Variants in ZNF678 observed in about 807,000 individuals in gnomAD.
The protein encoded by ZNF678 is zinc finger protein 678, also known as hypothetical protein MGC42493.
ZNF678 carries 5 observed loss-of-function variants against 3.0 expected under a neutral mutation model. The ratio of observed to expected loss-of-function variants is 1.69; its 90% CI spans 0.88 to 3.56. ZNF678 has a LOEUF of 3.56. ZNF678 is among the 30% of genes most tolerant of loss of function. ZNF678 has a pLI of 0.00. For synonymous variants in ZNF678, 218 were observed against 199.6 expected (o/e 1.09, Z -0.78); for missense variants, 593 against 605.0 (o/e 0.98, Z 0.21).
Position 227,630,465 on chromosome 1 carries a change from A to G in ZNF678, c.-163-16079A>G, listed in dbSNP as rs551845594. On this transcript the variant is annotated intron_variant, in intron 1 of 3. Coordinates refer to ENST00000343776, the MANE Select transcript of ZNF678 (RefSeq NM_001367909.1). ...ATCACCAAACTCTTGGGCTGCAGTT[A>G]TGGCAGCACTTCTCTCATTTGGGGT... Among the ~76,000 whole-genome samples the G allele has an allele frequency of 3.3e-5, 5 of 152,346 alleles. No individual in the cohort carries two copies. In the South Asian group the frequency reaches 1.0e-3, roughly 32 times the overall value.
chr1:227,643,031 GCCTGTT>G (rs1285024301), intron 1 of ZNF678, among the ~76,000 whole-genome samples: 3 of 152,124 alleles, frequency 2.0e-5, no homozygotes, highest in African/African-American at 7.2e-5. Context: ...GAAGTATGTG[GCCTGTT>G]TTTTTAAAAA....
At position 227,662,080 on chromosome 1, in the gene ZNF678, C is replaced by G. The variant is rs374192532; in HGVS notation, c.*6252C>G. 2 of 152,064 alleles carry G rather than the reference C, an allele frequency of 1.3e-5. No homozygotes were observed. Among genetic ancestry groups the G allele is most frequent in the Non-Finnish European group, 2.9e-5 (2 of 68,018 alleles). The allele number at this position is 152,064 out of a possible 1,614,324, so 9.4% of individuals were successfully genotyped here. A position where few individuals can be genotyped will look rare whatever the true frequency, so the allele number is the denominator to read the frequency against. On this transcript the variant is annotated 3_prime_UTR_variant, in exon 4 of 4. Transcript: ENST00000343776. Reference sequence around the variant, plus strand: ...ATTTAAGGAGAAGGTTCTAGGCTTCCGAAGTAAAATTGGATGTGGAGGTTG... The same window carrying G: ...ATTTAAGGAGAAGGTTCTAGGCTTCGGAAGTAAAATTGGATGTGGAGGTTG...
At chr1:227,611,439 G>T (rs1658018596) in intron 1 of ZNF678, among the ~76,000 whole-genome samples, 2 of 152,152 alleles carry the variant, frequency 1.3e-5, no homozygotes, top group South Asian at 4.1e-4. Context: ...TTCTTTTCTT[G>T]GCTAAAGAGG....
At position 227,578,682 on chromosome 1, in the gene ZNF678, T is replaced by C. The variant is rs561971028; in HGVS notation, c.-164+14958T>C. 3.3e-5 allele frequency among the ~76,000 whole-genome samples: 5 copies of C among 152,372 alleles called. No individual in the cohort carries two copies. The South Asian group carries it at 1.0e-3, about 32-fold the overall frequency. ...TTAGCTTTCTTGCATTAGGTTTCAA[T>C]GTATGCCCATAGCTCAGATGATCTT... On this transcript the variant is annotated intron_variant, in intron 1 of 3. Transcript: ENST00000343776.
At chr1:227,671,414 A>G (rs1659600708) in intron 5 of ZNF678, among the ~76,000 whole-genome samples, 1 of 152,062 alleles carries the variant, frequency 6.6e-6, no homozygotes, top group African/African-American at 2.4e-5. Context: ...TTTTCGTCAG[A>G]CTTATCCATG....
rs977383899 is a variant in ZNF678 at position 227,652,476 on chromosome 1, C to T, written c.85+1400C>T. Among the ~76,000 whole-genome samples, 4 of 152,184 alleles carry T rather than the reference C, an allele frequency of 2.6e-5. No individual in the cohort carries two copies. The East Asian group carries it at 7.7e-4, about 29-fold the overall frequency. ...TAGCTGTCTAAAACATAATTACTTACTATTGTCATTTATTGTTTTATTGGA... is the reference window on the plus strand; with the variant it reads ...TAGCTGTCTAAAACATAATTACTTATTATTGTCATTTATTGTTTTATTGGA... On this transcript the variant is annotated intron_variant, in intron 3 of 3. Coordinates refer to ENST00000343776, the MANE Select transcript of ZNF678 (RefSeq NM_001367909.1).
Position 227,655,765 on chromosome 1 carries a change from T to G in ZNF678, c.1515T>G (p.Ser505Arg), listed in dbSNP as rs778045023. 1 of 1,609,482 alleles carries G rather than the reference T, an allele frequency of 6.2e-7. No homozygotes were observed. The highest frequency in any genetic ancestry group is 1.1e-5 in the South Asian group (1 of 90,398). ...GKGFYQSSIH[S>R]KYKRIYTGEE... ...GTTTTTACCAATCCTCAATCCATAG[T>G]AAGTATAAGAGAATTTATACTGGAG... The change falls in exon 4 of 4, where the codon AGT becomes AGG. Residue 505 changes from serine (S) to arginine (R), a missense_variant. By Grantham distance (110) the Ser-to-Arg change is moderately radical (BLOSUM62 -1). Coordinates refer to ENST00000343776, the MANE Select transcript of ZNF678 (RefSeq NM_001367909.1).
intron 1 of ZNF678, among the ~76,000 whole-genome samples, chr1:227,575,161 T>G (rs923483992): frequency 6.6e-6 from 1 of 152,236 alleles, no homozygotes; most frequent in South Asian, 2.1e-4. Context: ...TAGTATAGTT[T>G]GAAGTTGGGT....
intron 1 of ZNF678, among the ~76,000 whole-genome samples, chr1:227,573,691 G>GTAACTT (rs773624780): frequency 0.22 from 32,717 of 151,872 alleles, 4,006 homozygotes; most frequent in African/African-American, 0.33. Flanking sequence ...TAACTTTTAA[G>GTAACTT]TTCAGGGGTA....
intron 1 of ZNF678, among the ~76,000 whole-genome samples, chr1:227,574,210 A>G (rs1435470544): frequency 6.6e-6 from 1 of 152,180 alleles, no homozygotes. Context: ...GCTGGGTCAA[A>G]TGGTATTTCT....
intron 1 of ZNF678, among the ~76,000 whole-genome samples, chr1:227,639,003 C>T (rs1571905839): frequency 6.6e-6 from 1 of 152,172 alleles, no homozygotes; most frequent in East Asian, 1.9e-4. Context: ...CCAGGGTGTC[C>T]TTTCCAGGGC....
chr1:227,601,107 CA>C (rs1657726726), intron 1 of ZNF678, among the ~76,000 whole-genome samples: 1 of 152,144 alleles, frequency 6.6e-6, no homozygotes, highest in African/African-American at 2.4e-5. Flanking sequence ...TATGCTGTTT[CA>C]TGTGTCTATG....
downstream of ZNF678, among the ~76,000 whole-genome samples, chr1:227,663,490 A>T (rs1659450874): frequency 6.6e-6 from 1 of 152,186 alleles, no homozygotes; most frequent in African/African-American, 2.4e-5. Context: ...TGCGTAGGAT[A>T]CCTTAACCTT....
intron 1 of ZNF678, among the ~76,000 whole-genome samples, chr1:227,611,410 C>T (rs970357301): frequency 6.6e-6 from 1 of 152,204 alleles, no homozygotes; most frequent in African/African-American, 2.4e-5. Context: ...CAATCAGCCT[C>T]CCTCACTCAC....
intron 1 of ZNF678, among the ~76,000 whole-genome samples, chr1:227,576,599 C>T (rs1015948771): frequency 2.0e-5 from 3 of 151,894 alleles, no homozygotes; most frequent in East Asian, 1.9e-4. Flanking sequence ...TCCCCCTTGT[C>T]GTTTTCTATT....
intron 1 of ZNF678, among the ~76,000 whole-genome samples, chr1:227,600,439 C>CGTTTT (rs1044355313): frequency 8.2e-4 from 124 of 152,014 alleles, no homozygotes; most frequent in African/African-American, 2.9e-3. Flanking sequence ...AGTGTATAAG[C>CGTTTT]GTTTTGTTTT....
chr1:227,611,773 T>TG (rs1658026013), intron 1 of ZNF678, among the ~76,000 whole-genome samples: 1 of 152,174 alleles, frequency 6.6e-6, no homozygotes, highest in Middle Eastern at 3.2e-3. Context: ...AAGACACAGT[T>TG]GGTTGCAGTT....
At chr1:227,565,264 C>T (rs563535711) in intron 1 of ZNF678, among the ~76,000 whole-genome samples, 1 of 152,038 alleles carries the variant, frequency 6.6e-6, no homozygotes, top group African/African-American at 2.4e-5. Flanking sequence ...CGGGGTTTCA[C>T]CATGTTGGCC....
chr1:227,627,128 G>T (rs1417793462), intron 1 of ZNF678, among the ~76,000 whole-genome samples: 1 of 150,894 alleles, frequency 6.6e-6, no homozygotes, highest in East Asian at 2.0e-4. Flanking sequence ...CACTTCACAG[G>T]CCCTAACTGT....
Sources: allele counts gnomAD v4.1 joint callset (sites outside exome capture counted in the v4.1 genomes callset), GRCh38; gene constraint gnomAD v4.1.1; transcripts MANE v1.5; gene names NCBI Gene and HGNC (gene_info 2026-07-23, HGNC 2026-07-21).